PLEKHG4: variants seen among roughly 807,000 people sequenced by gnomAD.
PLEKHG4 encodes the protein puratrophin-1.
A neutral mutation model predicts 136.9 loss-of-function variants in PLEKHG4; 85 were observed. The observed-to-expected ratio is 0.62, with a 90% CI of 0.52 to 0.74. The LOEUF (loss-of-function observed/expected upper bound fraction) is 0.74, where lower values mean the gene tolerates loss of function less well. Among genes scored for constraint, PLEKHG4 ranks in the 30% least tolerant of loss-of-function variants. The pLI is 0.00. For missense variants in PLEKHG4, 1,317 were observed against 1,527.8 expected (o/e 0.86, Z 2.30); for synonymous variants, 577 against 646.9 (o/e 0.89, Z 1.64).
Position 67,281,802 on chromosome 16 carries a change from C to T in PLEKHG4, c.970C>T (p.Pro324Ser). 6.2e-7 allele frequency: 1 copy of T among 1,613,594 alleles called. No homozygotes were observed. Among genetic ancestry groups the T allele is most frequent in the East Asian group, 2.2e-5 (1 of 44,882 alleles). The change falls in exon 7 of 22, where the codon CCT becomes TCT. Residue 324 changes from proline to serine, a missense_variant. By Grantham distance (74) the Pro-to-Ser change is moderately conservative (BLOSUM62 -1). Coordinates refer to ENST00000379344, the MANE Select transcript of PLEKHG4 (RefSeq NM_001129729.3). ...GLPTSLGGGLPYCHQAWLDFR... is the reference protein window; with the variant it reads ...GLPTSLGGGLSYCHQAWLDFR... The stretch of plus-strand genomic sequence containing the variant: ...GCCCACTTCGCTAGGAGGAGGCCTG[C>T]CTTACTGCCACCAGGCCTGGCTGGA...
In PLEKHG4 at chr16:67,280,131, G is replaced by T; in HGVS notation, c.87G>T (p.Arg29Ser). 6.2e-7 allele frequency: 1 copy of T among 1,613,912 alleles called. No homozygotes were observed. The highest frequency in any genetic ancestry group is 1.1e-5 in the South Asian group (1 of 91,086). Reference sequence around the variant, plus strand: ...GGAGATTTGCTGTGTGCAGTTTCAGGGATGCCTGGGAAGAGGAGGAACCTG... The same window carrying T: ...GGAGATTTGCTGTGTGCAGTTTCAGTGATGCCTGGGAAGAGGAGGAACCTG... ...TDWRFAVCSF[R>S]DAWEEEEPAS... Residue 29 changes from arginine to serine, a missense_variant, in exon 2 of 22, where the codon AGG (arginine) becomes AGT (serine). Transcript: ENST00000379344. The surrounding 1 kb of genome is among the most constrained non-coding windows in gnomAD (Gnocchi z 4.4).
At chr16:67,288,096 C>G (rs1041114291) in intron 19 of PLEKHG4, 71 bp from the exon 20 acceptor site, 7 of 1,536,524 alleles carry the variant, frequency 4.6e-6, no homozygotes, top group Non-Finnish European at 6.3e-6. Context: ...AGTGCTGGCC[C>G]GCACTTTCCT....
rs746098877 is a variant in PLEKHG4, at chr16:67,281,647, A to C, written c.891+3A>C. ...AGGAAGTGCCTTCCGGGCTGCAGGTACTAAGCCCAGTTGGCTAGGGGTAGA... is the reference window on the plus strand; with the variant it reads ...AGGAAGTGCCTTCCGGGCTGCAGGTCCTAAGCCCAGTTGGCTAGGGGTAGA... On this transcript the variant is annotated splice_donor_region_variant and intron_variant, in intron 6 of 21. Transcript: ENST00000379344. 1 of 1,613,720 alleles carries C rather than the reference A, an allele frequency of 6.2e-7. No homozygotes were observed. Among genetic ancestry groups the C allele is most frequent in the Admixed American group, 1.7e-5 (1 of 60,032 alleles).
In PLEKHG4 at chr16:67,282,943, A is replaced by G. The variant is rs142343221; in HGVS notation, c.1509+85A>G. On this transcript the variant is annotated intron_variant, in intron 11 of 21. Transcript: ENST00000379344. Reference sequence around the variant, plus strand: ...TGCAGAACTGTGTGAAAGCAATTCAATCCTTTGCTTTCTTAGACCTTATAG... The same window carrying G: ...TGCAGAACTGTGTGAAAGCAATTCAGTCCTTTGCTTTCTTAGACCTTATAG... 9 of 985,088 alleles carry G rather than the reference A, an allele frequency of 9.1e-6. No individual in the cohort carries two copies. In the East Asian group the frequency reaches 9.6e-5, roughly 10 times the overall value. 61.0% of individuals were successfully genotyped at this position (985,088 alleles called of 1,614,324 possible).
rs1352065733 is a variant in PLEKHG4, at chr16:67,279,642, G to C, written c.-170+16G>C. On this transcript the variant is annotated intron_variant, in intron 1 of 21. Coordinates refer to ENST00000379344, the MANE Select transcript of PLEKHG4 (RefSeq NM_001129729.3). The stretch of plus-strand genomic sequence containing the variant: ...GCCCGGGGGCGTGAGTGTCGCCAGC[G>C]GGCGACGGGGGGGCGCGCGGTAGGC... The C allele has an allele frequency of 1.9e-5, 3 of 161,032 alleles. No homozygotes were observed. The highest frequency in any genetic ancestry group is 7.2e-5 in the African/African-American group (3 of 41,528). 10.0% of individuals were successfully genotyped at this position (161,032 alleles called of 1,614,324 possible). A position where few individuals can be genotyped will look rare whatever the true frequency, so the allele number is the denominator to read the frequency against.
In PLEKHG4 at chr16:67,279,595, C is replaced by G. The variant is rs2036114842; in HGVS notation, c.-201C>G. 2 of 153,914 alleles carry G rather than the reference C, an allele frequency of 1.3e-5. No homozygotes were observed. Among genetic ancestry groups the G allele is most frequent in the African/African-American group, 4.8e-5 (2 of 41,424 alleles). 9.5% of individuals were successfully genotyped at this position (153,914 alleles called of 1,614,324 possible). On this transcript the variant is annotated 5_prime_UTR_variant, in exon 1 of 22. Transcript: ENST00000379344. Reference sequence around the variant, plus strand: ...CGCCGTCTGTTCGAAGGCTGTCCGACTTCACGGTTCCCCGCGGCTCGGCCC... The same window carrying G: ...CGCCGTCTGTTCGAAGGCTGTCCGAGTTCACGGTTCCCCGCGGCTCGGCCC...
At position 67,281,848 on chromosome 16, in the gene PLEKHG4, T is replaced by G; in HGVS notation, c.1005+11T>G. The stretch of plus-strand genomic sequence containing the variant: ...CTGGATTTCCGAAGGGTCAGTACAC[T>G]GGGTGGGGCATGGGGGCAGTCATAT... On this transcript the variant is annotated intron_variant, in intron 7 of 21. Coordinates refer to ENST00000379344, the MANE Select transcript of PLEKHG4 (RefSeq NM_001129729.3). 1 of 1,606,360 alleles carries G rather than the reference T, an allele frequency of 6.2e-7. No individual in the cohort carries two copies. Among genetic ancestry groups the G allele is most frequent in the Non-Finnish European group, 8.5e-7 (1 of 1,174,664 alleles).
Position 67,289,301 on chromosome 16 carries a change from C to T in PLEKHG4, c.*493C>T. 1 of 432,524 alleles carries T rather than the reference C, an allele frequency of 2.3e-6. No individual in the cohort carries two copies. The allele number at this position is 432,524 out of a possible 1,614,324, so 26.8% of individuals were successfully genotyped here. A position where few individuals can be genotyped will look rare whatever the true frequency, so the allele number is the denominator to read the frequency against. On this transcript the variant is annotated 3_prime_UTR_variant, in exon 22 of 22. Coordinates refer to ENST00000379344, the MANE Select transcript of PLEKHG4 (RefSeq NM_001129729.3). ...GCCTTTCCTGGCCCCCAGGCCCAGC[C>T]CCTTTTTACTGGGGCAGTTTCGTTA...
Position 67,286,550 on chromosome 16 carries a change from G to A in PLEKHG4, c.2638G>A (p.Ala880Thr). The A allele has an allele frequency of 1.3e-6, 2 of 1,567,806 alleles. No homozygotes were observed. Among genetic ancestry groups the A allele is most frequent in the Middle Eastern group, 1.7e-4 (1 of 6,012 alleles). Residue 880 changes from alanine (A) to threonine (T), a missense_variant, in exon 16 of 22, where the codon GCC becomes ACC. Ala to Thr is a moderately conservative substitution (Grantham distance 58). Transcript: ENST00000379344. ...ACTGCTGCTGCAGGAGCTGGCACGG[G>A]CCTGCGGGGGCCCCACGCAGGAGCT... ...YALLLQELARACGGPTQELSA... is the reference protein window; with the variant it reads ...YALLLQELARTCGGPTQELSA...
Position 67,281,767 on chromosome 16 carries a change from C to A in PLEKHG4, c.935C>A (p.Thr312Lys), listed in dbSNP as rs148286913. The A allele has an allele frequency of 1.2e-4, 188 of 1,613,920 alleles. No individual in the cohort carries two copies. The highest frequency in any genetic ancestry group is 1.5e-4 in the Non-Finnish European group (180 of 1,180,042). Reference protein sequence around the residue: ...PSQSLLTHIPTAGLPTSLGGG... With the variant: ...PSQSLLTHIPKAGLPTSLGGG... ...CAGAGCCTGCTGACCCACATCCCAA[C>A]GGCGGGGCTGCCCACTTCGCTAGGA... Residue 312 changes from threonine to lysine, a missense_variant, in exon 7 of 22, where the codon ACG becomes AAG. Physicochemically the swap from Thr to Lys is moderately conservative, Grantham distance 78. Coordinates refer to ENST00000379344, the MANE Select transcript of PLEKHG4 (RefSeq NM_001129729.3).
Position 67,284,556 on chromosome 16 carries a change from G to A in PLEKHG4, c.1692+99G>A. The A allele has an allele frequency of 6.7e-7, 1 of 1,483,540 alleles. No individual in the cohort carries two copies. Among genetic ancestry groups the A allele is most frequent in the Non-Finnish European group, 9.3e-7 (1 of 1,073,664 alleles). 91.9% of individuals were successfully genotyped at this position (1,483,540 alleles called of 1,614,324 possible). On this transcript the variant is annotated intron_variant, in intron 12 of 21. Transcript: ENST00000379344. This position sits in a 1 kb window ranked among gnomAD's most constrained non-coding sequence, Gnocchi z 4.4. Reference sequence around the variant, plus strand: ...TGAGCTTTTCTTGGTCATGCTGCCTGTTCTCTTCCCTGGTCTTCAGTTTGA... The same window carrying A: ...TGAGCTTTTCTTGGTCATGCTGCCTATTCTCTTCCCTGGTCTTCAGTTTGA...
chr16:67,281,866 A>C (rs749456351), intron 7 of PLEKHG4, 29 bp downstream of exon 7: 53 of 1,588,670 alleles, frequency 3.3e-5, no homozygotes, highest in Non-Finnish European at 4.4e-5. Context: ...GCATGGGGGC[A>C]GTCATATAGG....
At position 67,286,637 on chromosome 16, in the gene PLEKHG4, C is replaced by T; in HGVS notation, c.2725C>T (p.Leu909=). The T allele has an allele frequency of 6.4e-7, 1 of 1,567,624 alleles. No individual in the cohort carries two copies. The highest frequency in any genetic ancestry group is 8.7e-7 in the Non-Finnish European group (1 of 1,155,708). Residue 909 remains leucine, a synonymous_variant, in exon 16 of 22, where the codon CTG becomes TTG. Transcript: ENST00000379344. Reference sequence around the variant, plus strand: ...CCAGCTGCGGCACGGAAACGACCTGCTGGCCATGGACGCCATCCAGGGCTG... The same window carrying T: ...CCAGCTGCGGCACGGAAACGACCTGTTGGCCATGGACGCCATCCAGGGCTG... The part of the protein sequence containing the change: ...HFQLRHGNDL[L]AMDAIQGCDV...
chr16:67,279,715 G>A (rs2036122060), intron 1 of PLEKHG4, 89 bp downstream of exon 1: 1 of 258,358 alleles, frequency 3.9e-6, no homozygotes, highest in African/African-American at 2.3e-5. Context: ...GAGCGAACCC[G>A]AGGCATCGTG....
In PLEKHG4 at chr16:67,287,880, T is replaced by C. The variant is rs746276240; in HGVS notation, c.3104-18T>C. ...CTTATGTCCAGAAGCATCCCACTTA[T>C]GTCCACTCTCCACCCAGAGGTGCGC... On this transcript the variant is annotated intron_variant, in intron 18 of 21. Transcript: ENST00000379344. 4 of 1,544,192 alleles carry C rather than the reference T, an allele frequency of 2.6e-6. No homozygotes were observed. The highest frequency in any genetic ancestry group is 1.4e-5 in the African/African-American group (1 of 73,514).
At chr16:67,282,131 C>G in intron 8 of PLEKHG4, 24 bp downstream of exon 8, 1 of 1,613,120 alleles carries the variant, frequency 6.2e-7, no homozygotes. Flanking sequence ...CCCAGTCCCT[C>G]CATGAATGCT....
At chr16:67,281,407 T>C (rs2036219280) in intron 5 of PLEKHG4, among the ~76,000 whole-genome samples, 160 bp from the exon 6 acceptor site, 1 of 152,028 alleles carries the variant, frequency 6.6e-6, no homozygotes. Flanking sequence ...TATTTTTTAG[T>C]AGAGAGGGGG....
rs1010032034 is a variant in PLEKHG4 at position 67,284,271 on chromosome 16, G to C, written c.1510-4G>C. On this transcript the variant is annotated splice_region_variant and splice_polypyrimidine_tract_variant and intron_variant, in intron 11 of 21. Transcript: ENST00000379344. This position sits in a 1 kb window ranked among gnomAD's most constrained non-coding sequence, Gnocchi z 4.4. ...CTGGCTGAGCCTAGTCTCTGTCTCT[G>C]CAGGAGCAGGTCAGGCAAGGGGAGA... 1 of 1,613,532 alleles carries C rather than the reference G, an allele frequency of 6.2e-7. No homozygotes were observed. Among genetic ancestry groups the C allele is most frequent in the South Asian group, 1.1e-5 (1 of 91,004 alleles).
Position 67,289,127 on chromosome 16 carries a change from G to T in PLEKHG4, c.*319G>T. The T allele has an allele frequency of 2.0e-6, 1 of 511,336 alleles. No individual in the cohort carries two copies. Among genetic ancestry groups the T allele is most frequent in the Non-Finnish European group, 3.6e-6 (1 of 280,444 alleles). The allele number at this position is 511,336 out of a possible 1,614,324, so 31.7% of individuals were successfully genotyped here. On this transcript the variant is annotated 3_prime_UTR_variant, in exon 22 of 22. Coordinates refer to ENST00000379344, the MANE Select transcript of PLEKHG4 (RefSeq NM_001129729.3). Reference sequence around the variant, plus strand: ...GTTTCCATGCTGTAGGCTGGTGGGGGACCATGTGCCTCTAGGCAGTGACTA... The same window carrying T: ...GTTTCCATGCTGTAGGCTGGTGGGGTACCATGTGCCTCTAGGCAGTGACTA...
Sources: allele counts gnomAD v4.1 joint callset (sites outside exome capture counted in the v4.1 genomes callset), GRCh38; gene constraint gnomAD v4.1.1; non-coding constraint Gnocchi (gnomAD v3.1); transcripts MANE v1.5; gene names NCBI Gene and HGNC (gene_info 2026-07-23, HGNC 2026-07-21).